WSCD2: variants seen among roughly 807,000 people sequenced by gnomAD.
The protein encoded by WSCD2 is WSC domain sialate O sulfotransferase 2, also known as sialate:O-sulfotransferase 2.
Under a neutral mutation model 55.7 loss-of-function variants are expected in WSCD2, and 28 were observed. The observed-to-expected ratio is 0.50, with a 90% CI of 0.37 to 0.69. The LOEUF (loss-of-function observed/expected upper bound fraction) is 0.69, where lower values mean the gene tolerates loss of function less well. Ranked by LOEUF, WSCD2 falls within the 30% of genes least tolerant of loss-of-function variation. The probability of loss-of-function intolerance (pLI) is 0.00; values close to 1 mark genes in which losing one functional copy is unlikely to be tolerated. For synonymous variants in WSCD2, 301 were observed against 301.9 expected (o/e 1.00, Z 0.03); for missense variants, 616 against 762.1 (o/e 0.81, Z 2.26).
intron 1 of WSCD2, among the ~76,000 whole-genome samples, chr12:108,146,411 G>A (rs576325654): frequency 5.3e-5 from 8 of 152,330 alleles, no homozygotes; most frequent in Non-Finnish European, 1.0e-4. Flanking sequence ...TTTTGTCCTG[G>A]CACAGAGGCC....
intron 1 of WSCD2, among the ~76,000 whole-genome samples, chr12:108,177,218 A>G (rs1042427521): frequency 5.9e-5 from 9 of 152,058 alleles, no homozygotes; most frequent in African/African-American, 1.9e-4. Flanking sequence ...ATATATGTGT[A>G]ATATATATTA....
chr12:108,202,449 C>T (rs997167770), intron 2 of WSCD2, among the ~76,000 whole-genome samples: 4 of 152,148 alleles, frequency 2.6e-5, no homozygotes, highest in Admixed American at 1.3e-4. Flanking sequence ...TTGTGTGGGA[C>T]ATCTCAGCCT....
intron 1 of WSCD2, among the ~76,000 whole-genome samples, chr12:108,173,996 T>C (rs1278179853): frequency 1.3e-5 from 2 of 152,090 alleles, no homozygotes; most frequent in African/African-American, 4.8e-5. Flanking sequence ...ATGTGGGGTG[T>C]TTGCCAGGCC....
intron 1 of WSCD2, among the ~76,000 whole-genome samples, chr12:108,165,346 A>G (rs1879498085): frequency 6.6e-6 from 1 of 152,118 alleles, no homozygotes. Flanking sequence ...AGATTTTTCT[A>G]TTGTGCATAC....
chr12:108,193,475 GGCTGCT>G (rs1269840953), intron 1 of WSCD2, among the ~76,000 whole-genome samples: 1 of 152,148 alleles, frequency 6.6e-6, no homozygotes, highest in Non-Finnish European at 1.5e-5. Context: ...TGGATGGATG[GGCTGCT>G]ATAGTTCAGA....
Position 108,248,202 on chromosome 12 carries a change from G to A in WSCD2, c.1557G>A (p.Lys519=), listed in dbSNP as rs1433146855. ...CVESQKDGNF[K]RSGLRKLEYD... ...AGAGCCAGAAGGATGGCAACTTCAA[G>A]CGCTCAGGGCTCCGGAAGCTCGAGT... Residue 519 remains lysine, a synonymous_variant, in exon 9 of 9, where the codon AAG becomes AAA. Coordinates refer to ENST00000547525, the MANE Select transcript of WSCD2 (RefSeq NM_014653.4). The surrounding 1 kb of genome is among the most constrained non-coding windows in gnomAD (Gnocchi z 4.3). 3 of 1,614,212 alleles carry A rather than the reference G, an allele frequency of 1.9e-6. No individual in the cohort carries two copies. The highest frequency in any genetic ancestry group is 2.2e-5 in the South Asian group (2 of 91,088).
At position 108,248,917 on chromosome 12, in the gene WSCD2, TG is replaced by T. The variant is rs1340910883; in HGVS notation, c.*578del. 9.1e-6 allele frequency: 9 copies of T among 987,810 alleles called. No homozygotes were observed. 61.2% of individuals were successfully genotyped at this position (987,810 alleles called of 1,614,324 possible). A position where few individuals can be genotyped will look rare whatever the true frequency, so the allele number is the denominator to read the frequency against. ...TAGGTTTCTGACATCCTGGATAGTG[TG>T]GGGAGGTAATGGTGCTCACAGTAGG... On this transcript the variant is annotated 3_prime_UTR_variant, in exon 9 of 9. Transcript: ENST00000547525. This position sits in a 1 kb window ranked among gnomAD's most constrained non-coding sequence, Gnocchi z 4.3.
At chr12:108,229,825 G>T (rs1187166883) in intron 6 of WSCD2, among the ~76,000 whole-genome samples, 3 of 150,290 alleles carry the variant, frequency 2.0e-5, no homozygotes, top group Non-Finnish European at 2.9e-5. Flanking sequence ...AAGGAGCCTG[G>T]TCTGCCCCAC....
At chr12:108,246,508 C>T (rs146284995) in intron 8 of WSCD2, among the ~76,000 whole-genome samples, 16 of 152,306 alleles carry the variant, frequency 1.1e-4, no homozygotes, top group African/African-American at 2.4e-4. Flanking sequence ...CTGTTCCCAA[C>T]GCCATCCAGG....
chr12:108,167,536 T>C (rs1407713240), intron 1 of WSCD2: 5 of 152,212 alleles, frequency 3.3e-5, no homozygotes, highest in African/African-American at 7.2e-5. Context: ...AAGAGAATAA[T>C]TTATTTTGGC....
At chr12:108,145,077 A>G (rs1877246269) in intron 1 of WSCD2, among the ~76,000 whole-genome samples, 1 of 152,050 alleles carries the variant, frequency 6.6e-6, no homozygotes, top group Non-Finnish European at 1.5e-5. Flanking sequence ...CTCACTTACT[A>G]TGTCATCTCA....
At chr12:108,194,321 T>G (rs1175406717) in intron 1 of WSCD2, among the ~76,000 whole-genome samples, 1 of 152,158 alleles carries the variant, frequency 6.6e-6, no homozygotes. Context: ...TGACAAAGGG[T>G]GAGCCATGCT....
In WSCD2 at chr12:108,210,072, CG is replaced by C. The variant is rs1347134932; in HGVS notation, c.498-45del. The C allele has an allele frequency of 8.1e-6, 13 of 1,611,924 alleles. No individual in the cohort carries two copies. Among genetic ancestry groups the C allele is most frequent in the Non-Finnish European group, 1.0e-5 (12 of 1,178,732 alleles). On this transcript the variant is annotated intron_variant, in intron 3 of 8. Transcript: ENST00000547525. The surrounding 1 kb of genome is among the most constrained non-coding windows in gnomAD (Gnocchi z 4.3). The stretch of plus-strand genomic sequence containing the variant: ...GTCTCCATGTTGTGTCTCCCTGCCT[CG>C]GGGTCTCCATGGTGGCAGCTACCCT...
At chr12:108,244,820 C>T (rs920289641) in intron 8 of WSCD2, among the ~76,000 whole-genome samples, 1 of 152,104 alleles carries the variant, frequency 6.6e-6, no homozygotes, top group Non-Finnish European at 1.5e-5. Context: ...AGGGCAGGAG[C>T]TGATCAGACC....
chr12:108,222,118 C>G (rs540993707), intron 4 of WSCD2, among the ~76,000 whole-genome samples: 3 of 152,308 alleles, frequency 2.0e-5, no homozygotes, highest in Non-Finnish European at 2.9e-5. Flanking sequence ...ACCTTCCCCC[C>G]ACCCTTCTAC....
intron 1 of WSCD2, among the ~76,000 whole-genome samples, chr12:108,166,468 A>T (rs1879605159): frequency 6.6e-6 from 1 of 151,892 alleles, no homozygotes; most frequent in Admixed American, 6.6e-5. Flanking sequence ...ATTTTGGGGG[A>T]ATGTTTATTG....
chr12:108,196,109 T>C lies in WSCD2; in HGVS notation c.277T>C (p.Phe93Leu), dbSNP rs779130905. ...CATTGCTCGCAGGTACGGACCCTGG[T>C]TCAAGGGCAAGGATGGGAATGAGAG... ...SSIARRYGPW[F>L]KGKDGNERAK... The change falls in exon 2 of 9, where the codon TTC becomes CTC. Residue 93 changes from phenylalanine (F) to leucine (L), a missense_variant. Coordinates refer to ENST00000547525, the MANE Select transcript of WSCD2 (RefSeq NM_014653.4). 1 of 1,614,020 alleles carries C rather than the reference T, an allele frequency of 6.2e-7. No individual in the cohort carries two copies. Among genetic ancestry groups the C allele is most frequent in the Non-Finnish European group, 8.5e-7 (1 of 1,180,000 alleles).
chr12:108,237,870 TA>T (rs745657775), intron 7 of WSCD2, among the ~76,000 whole-genome samples: 1 of 152,254 alleles, frequency 6.6e-6, no homozygotes, highest in Non-Finnish European at 1.5e-5. Flanking sequence ...AGAAATATTG[TA>T]ACTTGGGTCT....
intron 1 of WSCD2, among the ~76,000 whole-genome samples, chr12:108,188,359 T>G (rs1882769661): frequency 6.6e-6 from 1 of 152,076 alleles, no homozygotes; most frequent in East Asian, 1.9e-4. Context: ...GTGGGATTGT[T>G]GTGTCAAAGA....
Sources: gnomAD v4.1 joint callset for allele counts (sites outside exome capture counted in the v4.1 genomes callset) on GRCh38, gnomAD v4.1.1 for gene constraint, Gnocchi (gnomAD v3.1) non-coding constraint, MANE v1.5 for transcripts, NCBI Gene and HGNC (gene_info 2026-07-23, HGNC 2026-07-21) for gene names.